Variants in SLCO1A2 observed in about 807,000 individuals in gnomAD.
SLCO1A2 encodes the protein solute carrier organic anion transporter family member 1A2.
In SLCO1A2, 67 loss-of-function variants were observed where a neutral mutation model predicts 69.0. The ratio of observed to expected loss-of-function variants is 0.97; its 90% confidence interval spans 0.80 to 1.19. The LOEUF is 1.19. Ranked by LOEUF, SLCO1A2 falls within the 50% of genes most tolerant of loss-of-function variation. The probability of loss-of-function intolerance (pLI) is 0.00; values close to 1 mark genes in which losing one functional copy is unlikely to be tolerated. For missense variants in SLCO1A2, 787 were observed against 793.7 expected, an observed-to-expected ratio of 0.99 and a Z score of 0.10; for synonymous variants, 260 against 265.9, an observed-to-expected ratio of 0.98 and a Z score of 0.22.
chr12:21,299,851 CGTGTATATATATATACGTGT>C lies in SLCO1A2; in HGVS notation c.910+477_910+496del, dbSNP rs1323921029. On this transcript the variant is annotated intron_variant, in intron 8 of 14. Transcript: ENST00000683939. ...ACACACATATATGTGTATATATATA[CGTGTATATATATATACGTGT>C]GTGTATATATATATACGTGTATATA... is the stretch of plus-strand genomic sequence containing the variant. 8.2e-3 allele frequency among the ~76,000 whole-genome samples: 1,020 copies of C among 124,452 alleles called. 10 individuals carry two copies. Among genetic ancestry groups the C allele is most frequent in the African/African-American group, 0.029 (909 of 31,200 alleles). 81.6% of individuals were successfully genotyped at this position (124,452 alleles called of 152,430 possible). A position where few individuals can be genotyped will look rare whatever the true frequency, so the allele number is the denominator to read the frequency against.
intron 2 of SLCO1A2, among the ~76,000 whole-genome samples, chr12:21,354,348 A>G (rs1324192327): frequency 3.3e-5 from 5 of 152,156 alleles, no homozygotes; most frequent in Non-Finnish European, 7.3e-5. Flanking sequence ...ACCTACCCCT[A>G]TCCTCTCCTG....
rs1047831113 is a variant in SLCO1A2 at position 21,265,835 on chromosome 12, C to G, written c.*3713G>C. On this transcript the variant is annotated 3_prime_UTR_variant, in exon 15 of 15. Transcript: ENST00000683939. Reference sequence around the variant, plus strand: ...TTTGAGGGATCTAAGAATGCCAGAACAGGAATTCTCCAGGCCCAGTAAATA... The same window carrying G: ...TTTGAGGGATCTAAGAATGCCAGAAGAGGAATTCTCCAGGCCCAGTAAATA... 2 of 152,078 alleles carry G rather than the reference C, an allele frequency of 1.3e-5. No individual in the cohort carries two copies. Among genetic ancestry groups the G allele is most frequent in the Non-Finnish European group, 2.9e-5 (2 of 68,050 alleles). The allele number at this position is 152,078 out of a possible 1,614,324, so 9.4% of individuals were successfully genotyped here. A position where few individuals can be genotyped will look rare whatever the true frequency, so the allele number is the denominator to read the frequency against.
intron 1 of SLCO1A2, among the ~76,000 whole-genome samples, chr12:21,392,903 C>G (rs1403303207): frequency 6.6e-6 from 1 of 152,186 alleles, no homozygotes; most frequent in Non-Finnish European, 1.5e-5. Context: ...GTTTAGTCAT[C>G]ATGCTAGTCC....
upstream of SLCO1A2, chr12:21,418,078 C>A (rs1942016259): frequency 6.6e-6 from 1 of 152,112 alleles, no homozygotes; most frequent in African/African-American, 2.4e-5. Flanking sequence ...AGGATGAAGA[C>A]AAAAGAGCAA....
At chr12:21,349,485 C>G (rs1421186364) in intron 2 of SLCO1A2, among the ~76,000 whole-genome samples, 3 of 152,184 alleles carry the variant, frequency 2.0e-5, no homozygotes, top group African/African-American at 7.2e-5. Context: ...GTGGGCCACA[C>G]TGTTGCCTTC....
chr12:21,339,860 G>C (rs921715624), upstream of SLCO1A2, among the ~76,000 whole-genome samples: 1 of 151,908 alleles, frequency 6.6e-6, no homozygotes, highest in Non-Finnish European at 1.5e-5. Context: ...TATTCTCTTG[G>C]GATACAGAGA....
At chr12:21,398,631 A>G (rs1941567133), upstream of SLCO1A2, among the ~76,000 whole-genome samples, 1 of 152,052 alleles carries the variant, frequency 6.6e-6, no homozygotes. Flanking sequence ...CCTCAATAAA[A>G]TACTGGCAAA....
intron 2 of SLCO1A2, among the ~76,000 whole-genome samples, chr12:21,351,711 G>C (rs1334272883): frequency 6.6e-6 from 1 of 151,638 alleles, no homozygotes; most frequent in African/African-American, 2.4e-5. Context: ...CCAGGAGGCA[G>C]AGGTTGCAGT....
chr12:21,404,823 C>A (rs1357516460), intron 1 of SLCO1A2, among the ~76,000 whole-genome samples: 1 of 152,170 alleles, frequency 6.6e-6, no homozygotes. Flanking sequence ...GTGTCTTCTA[C>A]AATAATTGAA....
chr12:21,274,887 T>G (rs1192105363), intron 13 of SLCO1A2: 1 of 1,060,338 alleles, frequency 9.4e-7, no homozygotes, highest in African/African-American at 1.7e-5. Flanking sequence ...ACATTTTATT[T>G]GGGCAGAGCA....
rs35166807 is a variant in SLCO1A2, at chr12:21,394,555, GCA to G, written c.-190+349_-190+350del. 6.7e-3 allele frequency among the ~76,000 whole-genome samples: 936 copies of G among 138,892 alleles called. 9 individuals are homozygous for G. Among genetic ancestry groups the G allele is most frequent in the East Asian group, 0.05 (238 of 4,778 alleles). 91.1% of individuals were successfully genotyped at this position (138,892 alleles called of 152,430 possible). ...AGACACTGTCTCAAAAATAACACAC[GCA>G]CACACACACACACACACACACACAA... On this transcript the variant is annotated intron_variant, in intron 1 of 15. Coordinates refer to the SLCO1A2 transcript ENST00000307378.
chr12:21,370,391 C>CAT (rs1287189043), intron 2 of SLCO1A2, among the ~76,000 whole-genome samples: 1 of 151,344 alleles, frequency 6.6e-6, no homozygotes, highest in African/African-American at 2.4e-5. Flanking sequence ...AGGTTTGTTA[C>CAT]ATATATATAC....
At chr12:21,335,248 G>A (rs367733234), upstream of SLCO1A2, among the ~76,000 whole-genome samples, 14 of 152,010 alleles carry the variant, frequency 9.2e-5, 1 homozygote, top group African/African-American at 3.4e-4. Context: ...GGGAGACACG[G>A]AATTTTAATC....
chr12:21,292,427 G>A, intron 11 of SLCO1A2, 91 bp from the exon 12 acceptor site: 1 of 959,290 alleles, frequency 1.0e-6, no homozygotes, highest in Non-Finnish European at 1.6e-6. Flanking sequence ...TCAAGATGGA[G>A]ACTGCTTGTT....
chr12:21,400,114 C>T (rs1392304083), upstream of SLCO1A2, among the ~76,000 whole-genome samples: 11 of 151,930 alleles, frequency 7.2e-5, no homozygotes, highest in Non-Finnish European at 1.2e-4. Flanking sequence ...AGGAAATTTT[C>T]GCAACCTACT....
chr12:21,337,004 C>T (rs765948544), upstream of SLCO1A2, among the ~76,000 whole-genome samples: 2 of 152,000 alleles, frequency 1.3e-5, no homozygotes, highest in Admixed American at 6.6e-5. Context: ...CTCACACAAA[C>T]GTTGGATTTC....
At chr12:21,370,456 T>C (rs1939698411) in intron 2 of SLCO1A2, among the ~76,000 whole-genome samples, 1 of 150,554 alleles carries the variant, frequency 6.6e-6, no homozygotes, top group East Asian at 2.0e-4. Context: ...ATTAGGTATA[T>C]CTCCTAATGC....
chr12:21,392,601 C>CT (rs369792705), intron 1 of SLCO1A2, among the ~76,000 whole-genome samples: 2 of 152,166 alleles, frequency 1.3e-5, no homozygotes, highest in African/African-American at 2.4e-5. Flanking sequence ...ACAGAAACGA[C>CT]TTTTATTTTT....
At chr12:21,378,219 T>C in intron 1 of SLCO1A2, 2 of 1,612,896 alleles carry the variant, frequency 1.2e-6, no homozygotes, top group Non-Finnish European at 8.5e-7. Context: ...ACTTTTCACA[T>C]TTGTTCCATG....
Sources: allele counts gnomAD v4.1 joint callset (sites outside exome capture counted in the v4.1 genomes callset), GRCh38; gene constraint gnomAD v4.1.1; transcripts MANE v1.5; gene names NCBI Gene and HGNC (gene_info 2026-07-23, HGNC 2026-07-21).